Variants in KLF15 observed in about 807,000 individuals in gnomAD.
KLF15 encodes Krueppel-like factor 15.
In KLF15, 4 loss-of-function variants were observed where a neutral mutation model predicts 24.6. That is an observed-to-expected ratio of 0.16 (90% CI 0.08 to 0.37). The LOEUF (loss-of-function observed/expected upper bound fraction) is 0.37. KLF15 is among the 10% of genes least tolerant of loss of function. The probability of loss-of-function intolerance (pLI) is 1.00; values close to 1 mark genes in which losing one functional copy is unlikely to be tolerated. For missense variants in KLF15, 496 were observed against 560.6 expected (o/e 0.88, Z 1.16); for synonymous variants, 246 against 236.3 (o/e 1.04, Z -0.37).
intron 2 of KLF15, among the ~76,000 whole-genome samples, chr3:126,345,043 T>G (rs1239664991): frequency 6.6e-6 from 1 of 152,178 alleles, no homozygotes; most frequent in South Asian, 2.1e-4. Flanking sequence ...CATTGACCTT[T>G]CCTTGGTCCT....
the KLF15 span, among the ~76,000 whole-genome samples, chr3:126,301,501 A>T: frequency 6.6e-6 from 1 of 151,954 alleles, no homozygotes; most frequent in Non-Finnish European, 1.5e-5. Flanking sequence ...AGGAATAATA[A>T]AACAGGACTC....
chr3:126,308,427 C>T, the KLF15 span, among the ~76,000 whole-genome samples: 2 of 146,416 alleles, frequency 1.4e-5, no homozygotes, highest in South Asian at 2.1e-4. Context: ...AAAGGCTACC[C>T]CAAGCCCTGC....
At chr3:126,311,855 C>T in the KLF15 span, among the ~76,000 whole-genome samples, 3 of 152,220 alleles carry the variant, frequency 2.0e-5, no homozygotes, top group African/African-American at 7.2e-5. Context: ...CTGCCCCAGC[C>T]CTGCTGCTAT....
At chr3:126,323,275 T>A in the KLF15 span, among the ~76,000 whole-genome samples, 2,933 of 148,234 alleles carry the variant, frequency 0.02, 87 homozygotes, top group African/African-American at 0.068. Context: ...ACATGTTACA[T>A]ACACATAATT....
chr3:126,290,312 A>G, the KLF15 span, among the ~76,000 whole-genome samples: 4 of 152,318 alleles, frequency 2.6e-5, no homozygotes, highest in Middle Eastern at 6.8e-3. Flanking sequence ...GGATGCTTGG[A>G]TGCAGACAGG....
At chr3:126,307,669 A>G in the KLF15 span, among the ~76,000 whole-genome samples, 2 of 152,128 alleles carry the variant, frequency 1.3e-5, no homozygotes, top group Non-Finnish European at 2.9e-5. Flanking sequence ...AGACCGGGAT[A>G]TTTCACATAA....
the KLF15 span, among the ~76,000 whole-genome samples, chr3:126,298,756 G>A: frequency 6.6e-5 from 10 of 152,252 alleles, no homozygotes; most frequent in East Asian, 1.9e-3. Context: ...TGTATGCATT[G>A]TTGAAGATCA....
Position 126,343,597 on chromosome 3 carries a change from T to C in KLF15, c.*130A>G, listed in dbSNP as rs770738436. On this transcript the variant is annotated 3_prime_UTR_variant, in exon 3 of 3. Transcript: ENST00000296233. The stretch of plus-strand genomic sequence containing the variant: ...GGTTGGCGGGCCCTGGGTTCACACC[T>C]CCCAGGCTTCAGAAGGTGGGCTGGT... The C allele has an allele frequency of 8.4e-6, 8 of 948,128 alleles. No homozygotes were observed. The highest frequency in any genetic ancestry group is 1.3e-5 in the Non-Finnish European group (8 of 633,784). The allele number at this position is 948,128 out of a possible 1,614,324, so 58.7% of individuals were successfully genotyped here.
At chr3:126,296,163 A>G in the KLF15 span, among the ~76,000 whole-genome samples, 26 of 152,282 alleles carry the variant, frequency 1.7e-4, no homozygotes, top group African/African-American at 6.0e-4. Context: ...CTCATTGTTC[A>G]TGTTTCTCAG....
At chr3:126,355,118 A>T (rs999249560) in intron 1 of KLF15, among the ~76,000 whole-genome samples, 2 of 152,114 alleles carry the variant, frequency 1.3e-5, no homozygotes, top group Admixed American at 6.5e-5. Context: ...AGCAGGCCTT[A>T]GAGCCCTCCC....
chr3:126,294,702 G>A, the KLF15 span, among the ~76,000 whole-genome samples: 1 of 152,040 alleles, frequency 6.6e-6, no homozygotes, highest in Non-Finnish European at 1.5e-5. Context: ...GCTCAAGAAC[G>A]AGCCTTGCAC....
chr3:126,311,223 A>G, the KLF15 span, among the ~76,000 whole-genome samples: 1 of 152,240 alleles, frequency 6.6e-6, no homozygotes, highest in East Asian at 1.9e-4. Context: ...GAGACAGGCA[A>G]AAAGAAACTC....
At chr3:126,344,097 T>C (rs1008813375) in intron 2 of KLF15, among the ~76,000 whole-genome samples, 2 of 152,342 alleles carry the variant, frequency 1.3e-5, no homozygotes, top group South Asian at 2.1e-4. Context: ...ACCATTTTTT[T>C]TTCTTTTTTT....
chr3:126,352,584 G>A lies in KLF15; in HGVS notation c.339C>T (p.Ala113=). 6.2e-7 allele frequency: 1 copy of A among 1,612,400 alleles called. No individual in the cohort carries two copies. Among genetic ancestry groups the A allele is most frequent in the East Asian group, 2.2e-5 (1 of 44,860 alleles). ...VAWGPWRRAA[A]PVKGEHFCLP... is the part of the protein sequence containing the mutation. ...AGCAGAAATGCTCCCCCTTCACAGGGGCCGCTGCCCTTCGCCAGGGCCCCC... is the reference window on the plus strand; with the variant it reads ...AGCAGAAATGCTCCCCCTTCACAGGAGCCGCTGCCCTTCGCCAGGGCCCCC... The change falls in exon 2 of 3, where the codon GCC becomes GCT. Residue 113 remains alanine (A), a synonymous_variant. Coordinates refer to ENST00000296233, the MANE Select transcript of KLF15 (RefSeq NM_014079.4).
chr3:126,338,328 C>T (rs576473409), downstream of KLF15, among the ~76,000 whole-genome samples: 3 of 152,350 alleles, frequency 2.0e-5, no homozygotes, highest in African/African-American at 7.2e-5. Flanking sequence ...CCGTCCACGC[C>T]TTGTCCAGGG....
chr3:126,302,504 T>A, the KLF15 span, among the ~76,000 whole-genome samples: 1 of 152,186 alleles, frequency 6.6e-6, no homozygotes, highest in African/African-American at 2.4e-5. Flanking sequence ...AGATTATGAT[T>A]GTAGATTTAT....
At chr3:126,330,765 TA>T in the KLF15 span, among the ~76,000 whole-genome samples, 1 of 152,218 alleles carries the variant, frequency 6.6e-6, no homozygotes. Flanking sequence ...GTTGCTTCTT[TA>T]ACCTACCTGG....
At chr3:126,308,369 A>G in the KLF15 span, among the ~76,000 whole-genome samples, 1 of 152,192 alleles carries the variant, frequency 6.6e-6, no homozygotes, top group Admixed American at 6.5e-5. Context: ...CACTGGAAGG[A>G]CATATGGCCT....
chr3:126,309,710 C>G, the KLF15 span, among the ~76,000 whole-genome samples: 1 of 152,184 alleles, frequency 6.6e-6, no homozygotes, highest in African/African-American at 2.4e-5. Flanking sequence ...ATGGCTGGTT[C>G]TGGGACTAGG....
Sources: allele counts gnomAD v4.1 joint callset (sites outside exome capture counted in the v4.1 genomes callset), GRCh38; gene constraint gnomAD v4.1.1; transcripts MANE v1.5; gene names NCBI Gene and HGNC (gene_info 2026-07-23, HGNC 2026-07-21).